SLCO1B1: variants seen among roughly 807,000 people sequenced by gnomAD.
SLCO1B1 encodes the protein solute carrier organic anion transporter family member 1B1.
In SLCO1B1, 81 loss-of-function variants were observed where a neutral mutation model predicts 70.1. That is an observed-to-expected ratio of 1.16 (90% CI 0.97 to 1.39). SLCO1B1 has a LOEUF of 1.39. Ranked by LOEUF, SLCO1B1 falls within the 40% of genes most tolerant of loss-of-function variation. The pLI, the probability that SLCO1B1 is intolerant of heterozygous loss-of-function variation, is 0.00. For missense variants in SLCO1B1, 895 were observed against 799.6 expected (o/e 1.12, Z -1.44); for synonymous variants, 283 against 271.5 (o/e 1.04, Z -0.42).
rs1290442134 is a variant in SLCO1B1 at position 21,165,143 on chromosome 12, AACTATTGCCAT to A, written c.85-7505_85-7495del. Among the ~76,000 whole-genome samples the A allele has an allele frequency of 3.3e-5, 5 of 152,288 alleles. No homozygotes were observed. The South Asian group carries it at 1.0e-3, about 32-fold the overall frequency. On this transcript the variant is annotated intron_variant, in intron 2 of 14. Coordinates refer to ENST00000256958, the MANE Select transcript of SLCO1B1 (RefSeq NM_006446.5). ...AACTGTCTTCTGACTTTAAGTTTAG[AACTATTGCCAT>A]AATAAATTAATGACCGATCTGCCAT...
chr12:21,144,858 A>G (rs1461654313), intron 2 of SLCO1B1, among the ~76,000 whole-genome samples: 2 of 152,196 alleles, frequency 1.3e-5, no homozygotes, highest in African/African-American at 4.8e-5. Flanking sequence ...GGTCAAGCAA[A>G]TGCTAACAGA....
At chr12:21,200,399 A>C in intron 8 of SLCO1B1, 109 bp from the exon 9 acceptor site, 1 of 619,876 alleles carries the variant, frequency 1.6e-6, no homozygotes, top group Non-Finnish European at 2.7e-6. Context: ...TCTTTGTGTT[A>C]TGTGTTTATA....
At chr12:21,218,984 C>G (rs959319807) in intron 12 of SLCO1B1, among the ~76,000 whole-genome samples, 2 of 152,112 alleles carry the variant, frequency 1.3e-5, no homozygotes, top group Non-Finnish European at 2.9e-5. Context: ...GAAGGACATC[C>G]ATTTATTCAA....
intron 2 of SLCO1B1, among the ~76,000 whole-genome samples, chr12:21,166,541 T>C (rs1452252218): frequency 6.6e-5 from 10 of 152,124 alleles, no homozygotes; most frequent in Non-Finnish European, 2.9e-5. Flanking sequence ...GGAAAAATGC[T>C]CCACATCCCG....
chr12:21,202,686 G>A lies in SLCO1B1; in HGVS notation c.1331G>A (p.Gly444Glu). 1 of 1,605,946 alleles carries A rather than the reference G, an allele frequency of 6.2e-7. No homozygotes were observed. The highest frequency in any genetic ancestry group is 8.5e-7 in the Non-Finnish European group (1 of 1,174,496). ...SVAGLTMTYD[G>E]NNPVTSHRDV... ...GCCGGACTAACCATGACCTATGATG[G>A]GTTTGTATATATCACTATATCAATT... The change falls in exon 10 of 15, where the codon GGA becomes GAA. Residue 444 changes from glycine (G) to glutamate (E), a missense_variant and splice_region_variant. Coordinates refer to ENST00000256958, the MANE Select transcript of SLCO1B1 (RefSeq NM_006446.5).
intron 11 of SLCO1B1, among the ~76,000 whole-genome samples, chr12:21,207,137 AT>A (rs1185071893): frequency 6.6e-6 from 1 of 151,976 alleles, no homozygotes; most frequent in African/African-American, 2.4e-5. Context: ...TTTTAAAAAA[AT>A]AATTTAACTC....
At chr12:21,214,980 A>G (rs1480639829) in intron 11 of SLCO1B1, among the ~76,000 whole-genome samples, 1 of 151,980 alleles carries the variant, frequency 6.6e-6, no homozygotes, top group Non-Finnish European at 1.5e-5. Context: ...CCCTAGTGAG[A>G]TGAACCCGGT....
chr12:21,176,171 G>A (rs888093714), intron 4 of SLCO1B1, among the ~76,000 whole-genome samples: 1 of 152,022 alleles, frequency 6.6e-6, no homozygotes. Context: ...AATTCCCTAA[G>A]TACAAAAACT....
chr12:21,197,189 G>C lies in SLCO1B1; in HGVS notation c.970+1G>C. On this transcript the variant is annotated splice_donor_variant, in intron 8 of 14. Coordinates refer to ENST00000256958, the MANE Select transcript of SLCO1B1 (RefSeq NM_006446.5). LOFTEE classifies it high-confidence loss of function. ...AAAAATATTACCAAAAATGTGACTGGTAAGTATTTAACATTCATTGTCAAT... is the reference window on the plus strand; with the variant it reads ...AAAAATATTACCAAAAATGTGACTGCTAAGTATTTAACATTCATTGTCAAT... The C allele has an allele frequency of 6.2e-7, 1 of 1,612,504 alleles. No individual in the cohort carries two copies. The highest frequency in any genetic ancestry group is 8.5e-7 in the Non-Finnish European group (1 of 1,179,158).
rs754914795 is a variant in SLCO1B1, at chr12:21,197,211, C to T, written c.970+23C>T. ...CTGGTAAGTATTTAACATTCATTGT[C>T]AATTTGGAGTTGTTAATCTCAATGA... On this transcript the variant is annotated intron_variant, in intron 8 of 14. Coordinates refer to ENST00000256958, the MANE Select transcript of SLCO1B1 (RefSeq NM_006446.5). The T allele has an allele frequency of 1.2e-5, 19 of 1,610,558 alleles. No homozygotes were observed. The South Asian group carries it at 1.7e-4, about 14-fold the overall frequency.
intron 7 of SLCO1B1, among the ~76,000 whole-genome samples, chr12:21,187,204 G>T (rs1940972671): frequency 6.6e-6 from 1 of 152,056 alleles, no homozygotes; most frequent in South Asian, 2.1e-4. Context: ...GTACAAATAA[G>T]GTCAGGCTTA....
chr12:21,223,806 G>A (rs1456094343), intron 13 of SLCO1B1, among the ~76,000 whole-genome samples: 1 of 152,042 alleles, frequency 6.6e-6, no homozygotes, highest in African/African-American at 2.4e-5. Context: ...GTTCTCTACT[G>A]GCGTGTCCCT....
chr12:21,163,458 G>C (rs982998780), intron 2 of SLCO1B1, among the ~76,000 whole-genome samples: 3 of 152,060 alleles, frequency 2.0e-5, no homozygotes, highest in African/African-American at 7.2e-5. Context: ...TGTTTGTTCA[G>C]ATGTTTTACA....
At chr12:21,204,698 A>C (rs895860558) in intron 10 of SLCO1B1, among the ~76,000 whole-genome samples, 51 of 152,072 alleles carry the variant, frequency 3.4e-4, no homozygotes, top group Admixed American at 7.9e-4. Flanking sequence ...TTATTAATAC[A>C]CAGAAATTAA....
intron 1 of SLCO1B1, among the ~76,000 whole-genome samples, chr12:21,134,247 G>T (rs4542460): frequency 0.48 from 72,653 of 152,006 alleles, 20,936 homozygotes; most frequent in South Asian, 0.76. Context: ...GTATTTTATT[G>T]AGGATTTTTG....
intron 11 of SLCO1B1, among the ~76,000 whole-genome samples, chr12:21,214,222 A>T (rs527443562): frequency 9.9e-5 from 15 of 151,922 alleles, no homozygotes; most frequent in Non-Finnish European, 1.5e-4. Flanking sequence ...GATGATGGTG[A>T]TGTACAGATG....
At chr12:21,152,533 C>CTTTTTTTTTTTTTTT (rs71043250) in intron 2 of SLCO1B1, among the ~76,000 whole-genome samples, 7,506 of 34,256 alleles carry the variant, frequency 0.22, 3,161 homozygotes, top group South Asian at 0.34. Context: ...AGAGGAGAGG[C>CTTTTTTTTTTTTTTT]TTTTTTTTTT....
chr12:21,209,074 A>C (rs1941249101), intron 11 of SLCO1B1, among the ~76,000 whole-genome samples: 1 of 151,774 alleles, frequency 6.6e-6, no homozygotes, highest in African/African-American at 2.4e-5. Flanking sequence ...ATTTTTAATT[A>C]TACTTTAAGT....
At chr12:21,164,776 A>G in intron 2 of SLCO1B1, 2 of 467,352 alleles carry the variant, frequency 4.3e-6, no homozygotes, top group South Asian at 1.5e-5. Flanking sequence ...CTGAAGACTT[A>G]GCCCCAATGT....
Sources: allele counts gnomAD v4.1 joint callset (sites outside exome capture counted in the v4.1 genomes callset), GRCh38; gene constraint gnomAD v4.1.1; transcripts MANE v1.5; gene names NCBI Gene and HGNC (gene_info 2026-07-23, HGNC 2026-07-21).